The following FYTTD1 variants were observed in gnomAD, a reference collection of about 807,000 sequenced individuals.
FYTTD1 encodes the protein forty-two-three domain containing 1, also known as UAP56-interacting factor.
A neutral mutation model predicts 40.9 loss-of-function variants in FYTTD1; 22 were observed. That is an observed-to-expected ratio of 0.54 (90% CI 0.38 to 0.77). The LOEUF (loss-of-function observed/expected upper bound fraction) is 0.77. Ranked by LOEUF, FYTTD1 falls within the 30% of genes least tolerant of loss-of-function variation. The pLI is 0.00. For missense variants in FYTTD1, 351 were observed against 392.2 expected (o/e 0.90, Z 0.89); for synonymous variants, 140 against 137.9 (o/e 1.01, Z -0.10).
intron 1 of FYTTD1, chr3:197,750,662 CA>C: frequency 2.0e-6 from 2 of 985,462 alleles, no homozygotes; most frequent in Non-Finnish European, 2.4e-6. Context: ...GAGCGTCTGT[CA>C]GAAAGGAAGC....
rs752238354 is a variant in FYTTD1 at position 197,768,542 on chromosome 3, T to C, written c.339T>C (p.Ile113=). The change falls in exon 3 of 9, where the codon ATT becomes ATC. Residue 113 remains isoleucine, a synonymous_variant. Coordinates refer to ENST00000241502, the MANE Select transcript of FYTTD1 (RefSeq NM_032288.7). Reference sequence around the variant, plus strand: ...TTGCAGCTAGGAAAACGACTGGAATTCGAAAAGGAATTAGTCCTATGAATC... The same window carrying C: ...TTGCAGCTAGGAAAACGACTGGAATCCGAAAAGGAATTAGTCCTATGAATC... The part of the protein sequence containing the change: ...TGLAARKTTG[I]RKGISPMNRP... 6.2e-7 allele frequency: 1 copy of C among 1,613,878 alleles called. No individual in the cohort carries two copies. The highest frequency in any genetic ancestry group is 1.1e-5 in the South Asian group (1 of 91,042).
intron 2 of FYTTD1, among the ~76,000 whole-genome samples, chr3:197,757,638 G>T (rs1001606344): frequency 9.2e-5 from 14 of 152,170 alleles, no homozygotes; most frequent in Non-Finnish European, 1.6e-4. Context: ...AGCCAGGCGT[G>T]GTGGTACCTC....
At chr3:197,778,696 T>G (rs1178833708) in intron 8 of FYTTD1, among the ~76,000 whole-genome samples, 1 of 152,214 alleles carries the variant, frequency 6.6e-6, no homozygotes, top group Non-Finnish European at 1.5e-5. Context: ...GTTTTAAAGG[T>G]TCATCTATAT....
At chr3:197,755,960 G>T (rs904501674) in intron 1 of FYTTD1, 9 of 606,314 alleles carry the variant, frequency 1.5e-5, no homozygotes, top group Non-Finnish European at 2.7e-5. Context: ...GTAGGAAAAT[G>T]GAGGCTTCTG....
rs1268821056 is a variant in FYTTD1 at position 197,787,377 on chromosome 3, T to G, written c.*5468T>G. ...CCTCTGACTCCCAAAGTGCTGGGAT[T>G]ACAGGCATGAGCTACGGAGCCCGGC... On this transcript the variant is annotated 3_prime_UTR_variant, in exon 9 of 9. Coordinates refer to ENST00000241502, the MANE Select transcript of FYTTD1 (RefSeq NM_032288.7). 3 of 152,362 alleles carry G rather than the reference T, an allele frequency of 2.0e-5. No homozygotes were observed. Among genetic ancestry groups the G allele is most frequent in the African/African-American group, 7.2e-5 (3 of 41,422 alleles). The allele number at this position is 152,362 out of a possible 1,614,324, so 9.4% of individuals were successfully genotyped here.
chr3:197,753,835 G>T (rs1216959469), intron 1 of FYTTD1, among the ~76,000 whole-genome samples: 1 of 151,876 alleles, frequency 6.6e-6, no homozygotes, highest in Admixed American at 6.6e-5. Flanking sequence ...GGCTTCCCAG[G>T]TTCACAACAT....
rs997082549 is a variant in FYTTD1 at position 197,782,780 on chromosome 3, A to G, written c.*871A>G. 5.3e-5 allele frequency: 8 copies of G among 152,254 alleles called. No homozygotes were observed. Among genetic ancestry groups the G allele is most frequent in the African/African-American group, 1.7e-4 (7 of 41,464 alleles). The allele number at this position is 152,254 out of a possible 1,614,324, so 9.4% of individuals were successfully genotyped here. Reference sequence around the variant, plus strand: ...CTAGCGTCCACAAAGAATTATTCAAATGATATTTAGAAGAATTATAACTAT... The same window carrying G: ...CTAGCGTCCACAAAGAATTATTCAAGTGATATTTAGAAGAATTATAACTAT... On this transcript the variant is annotated 3_prime_UTR_variant, in exon 9 of 9. Transcript: ENST00000241502.
chr3:197,782,014 C>A lies in FYTTD1; in HGVS notation c.*105C>A. The A allele has an allele frequency of 3.9e-6, 2 of 510,890 alleles. No homozygotes were observed. Among genetic ancestry groups the A allele is most frequent in the Non-Finnish European group, 3.3e-6 (1 of 299,428 alleles). The allele number at this position is 510,890 out of a possible 1,614,324, so 31.6% of individuals were successfully genotyped here. On this transcript the variant is annotated 3_prime_UTR_variant, in exon 9 of 9. Coordinates refer to ENST00000241502, the MANE Select transcript of FYTTD1 (RefSeq NM_032288.7). ...ACTTTACTTCAAAATATTCACAAGG[C>A]TAAATAACTCTTATTTTTATTTTTG...
At chr3:197,778,546 T>C (rs1486461498) in intron 8 of FYTTD1, 82 bp downstream of exon 8, 4 of 973,294 alleles carry the variant, frequency 4.1e-6, no homozygotes, top group African/African-American at 1.7e-5. Flanking sequence ...TAGTGAATTA[T>C]AAACAAGGTA....
In FYTTD1 at chr3:197,770,133, A is replaced by C; in HGVS notation, c.386A>C (p.Asn129Thr). 2 of 1,579,496 alleles carry C rather than the reference A, an allele frequency of 1.3e-6. No individual in the cohort carries two copies. The highest frequency in any genetic ancestry group is 1.7e-6 in the Non-Finnish European group (2 of 1,151,788). ...ACATAATTTCTTGCCTTCTGATAGA[A>C]TATAGAACAATATTTTCCAGTGTTA... ...PMNRPPLSDK[N>T]IEQYFPVLKR... is the part of the protein sequence containing the mutation. Residue 129 changes from asparagine (N) to threonine (T), a missense_variant and splice_region_variant, in exon 4 of 9, where the codon AAT (asparagine) becomes ACT (threonine). Asn to Thr is a moderately conservative substitution (Grantham distance 65). Coordinates refer to ENST00000241502, the MANE Select transcript of FYTTD1 (RefSeq NM_032288.7).
Position 197,785,699 on chromosome 3 carries a change from G to C in FYTTD1, c.*3790G>C, listed in dbSNP as rs1439046442. On this transcript the variant is annotated 3_prime_UTR_variant, in exon 9 of 9. Transcript: ENST00000241502. ...ATACGGGCCCAGAATAATTTTTGTT[G>C]ATTTATTTTTACTATAAGGAGATAA... 6.6e-6 allele frequency: 1 copy of C among 152,044 alleles called. No individual in the cohort carries two copies. Among genetic ancestry groups the C allele is most frequent in the Non-Finnish European group, 1.5e-5 (1 of 68,010 alleles). The allele number at this position is 152,044 out of a possible 1,614,324, so 9.4% of individuals were successfully genotyped here.
In FYTTD1 at chr3:197,785,680, G is replaced by A. The variant is rs1182623247; in HGVS notation, c.*3771G>A. Reference sequence around the variant, plus strand: ...TTTGTAATTCACACAAAGTATACGGGCCCAGAATAATTTTTGTTGATTTAT... The same window carrying A: ...TTTGTAATTCACACAAAGTATACGGACCCAGAATAATTTTTGTTGATTTAT... On this transcript the variant is annotated 3_prime_UTR_variant, in exon 9 of 9. Transcript: ENST00000241502. 2.0e-5 allele frequency: 3 copies of A among 151,942 alleles called. No individual in the cohort carries two copies. The highest frequency in any genetic ancestry group is 7.3e-5 in the African/African-American group (3 of 41,350). The allele number at this position is 151,942 out of a possible 1,614,324, so 9.4% of individuals were successfully genotyped here. A position where few individuals can be genotyped will look rare whatever the true frequency, so the allele number is the denominator to read the frequency against.
intron 2 of FYTTD1, among the ~76,000 whole-genome samples, chr3:197,758,501 A>G (rs150945719): frequency 4.7e-4 from 72 of 152,342 alleles, no homozygotes; most frequent in African/African-American, 1.7e-3. Context: ...GAGAAATTCA[A>G]ATAGTATTAT....
intron 2 of FYTTD1, among the ~76,000 whole-genome samples, chr3:197,761,356 A>G (rs1285337512): frequency 6.6e-6 from 1 of 151,496 alleles, no homozygotes; most frequent in African/African-American, 2.4e-5. Context: ...TCAGTGGTAG[A>G]ATGTATAGAA....
At chr3:197,761,979 T>C (rs1303896603) in intron 2 of FYTTD1, among the ~76,000 whole-genome samples, 1 of 152,188 alleles carries the variant, frequency 6.6e-6, no homozygotes, top group East Asian at 1.9e-4. Context: ...CTCTTCCAGG[T>C]TGCAGACTTT....
intron 1 of FYTTD1, 176 bp downstream of exon 1, chr3:197,750,250 T>G: frequency 1.2e-6 from 1 of 848,094 alleles, no homozygotes; most frequent in Non-Finnish European, 1.6e-6. Context: ...CGACGCCAGG[T>G]GCCCGGCTGG....
At chr3:197,750,543 C>G (rs1728985930) in intron 1 of FYTTD1, 1 of 985,184 alleles carries the variant, frequency 1.0e-6, no homozygotes, top group Non-Finnish European at 1.2e-6. Flanking sequence ...GGGCTGCGGT[C>G]GGTTAAACCA....
chr3:197,772,109 AAAAC>A (rs1160518592), intron 4 of FYTTD1, among the ~76,000 whole-genome samples: 1 of 152,206 alleles, frequency 6.6e-6, no homozygotes, highest in African/African-American at 2.4e-5. Flanking sequence ...TAAAAATAAA[AAAAC>A]AAAAAATGGA....
In FYTTD1 at chr3:197,771,558, C is replaced by T. The variant is rs1437169634; in HGVS notation, c.497+1314C>T. Among the ~76,000 whole-genome samples the T allele has an allele frequency of 5.9e-5, 9 of 151,888 alleles. No homozygotes were observed. In the East Asian group the frequency reaches 7.7e-4, roughly 13 times the overall value. ...TTGGGAGGCCGAGGCGGGCGGATCACGAGGTCAGGAGATCGAGACCATCCC... is the reference window on the plus strand; with the variant it reads ...TTGGGAGGCCGAGGCGGGCGGATCATGAGGTCAGGAGATCGAGACCATCCC... On this transcript the variant is annotated intron_variant, in intron 4 of 8. Coordinates refer to ENST00000241502, the MANE Select transcript of FYTTD1 (RefSeq NM_032288.7).
Sources: allele counts gnomAD v4.1 joint callset (sites outside exome capture counted in the v4.1 genomes callset), GRCh38; gene constraint gnomAD v4.1.1; transcripts MANE v1.5; gene names NCBI Gene and HGNC (gene_info 2026-07-23, HGNC 2026-07-21).